The following NFIB variants were observed in gnomAD, a reference collection of about 807,000 sequenced individuals.
NFIB encodes nuclear factor I B, also known as nuclear factor 1 B-type.
Under a neutral mutation model 61.5 loss-of-function variants are expected in NFIB, and 11 were observed. That is an observed-to-expected ratio of 0.18 (90% CI 0.11 to 0.30). NFIB has a LOEUF of 0.30. NFIB is among the 10% of genes least tolerant of loss of function. The probability of loss-of-function intolerance (pLI) is 1.00; values close to 1 mark genes in which losing one functional copy is unlikely to be tolerated. For synonymous variants in NFIB, 260 were observed against 216.5 expected (o/e 1.20, Z -1.76); for missense variants, 471 against 608.9 (o/e 0.77, Z 2.38).
chr9:14,258,766 T>C (rs1043420799), intron 2 of NFIB, among the ~76,000 whole-genome samples: 4 of 152,222 alleles, frequency 2.6e-5, no homozygotes, highest in Non-Finnish European at 5.9e-5. Flanking sequence ...AGTAAGGATG[T>C]CATTCCTTTT....
chr9:14,229,458 T>C (rs2052848511), intron 2 of NFIB, among the ~76,000 whole-genome samples: 2 of 152,200 alleles, frequency 1.3e-5, no homozygotes, highest in African/African-American at 4.8e-5. Flanking sequence ...GAGTGTCAGC[T>C]TTACATGTAC....
At chr9:14,179,803 G>A in intron 2 of NFIB, 23 bp from the exon 3 acceptor site, 2 of 1,610,120 alleles carry the variant, frequency 1.2e-6, no homozygotes, top group Non-Finnish European at 1.7e-6. Flanking sequence ...CACAGAAAAT[G>A]TTTTCTTTTT....
chr9:14,248,526 C>T (rs1355595992), intron 2 of NFIB, among the ~76,000 whole-genome samples: 1 of 152,166 alleles, frequency 6.6e-6, no homozygotes, highest in African/African-American at 2.4e-5. Context: ...CTGCCTTAGC[C>T]TCCCCAAATC....
At chr9:14,277,710 CA>C (rs2058095093) in intron 2 of NFIB, among the ~76,000 whole-genome samples, 1 of 152,176 alleles carries the variant, frequency 6.6e-6, no homozygotes, top group African/African-American at 2.4e-5. Context: ...GGGCTTCAAA[CA>C]GGGGGTTCAA....
chr9:14,332,710 G>A (rs976463334), intron 1 of NFIB, among the ~76,000 whole-genome samples: 4 of 152,120 alleles, frequency 2.6e-5, no homozygotes, highest in African/African-American at 2.4e-5. Context: ...AGAAGACGTC[G>A]TCACTTATCA....
At chr9:14,513,796 A>C in the NFIB span, among the ~76,000 whole-genome samples, 1 of 152,154 alleles carries the variant, frequency 6.6e-6, no homozygotes, top group Non-Finnish European at 1.5e-5. Context: ...TTGTGACCTT[A>C]AGCAAGTTAC....
chr9:14,277,513 G>C (rs113775263), intron 2 of NFIB, among the ~76,000 whole-genome samples: 5 of 152,346 alleles, frequency 3.3e-5, no homozygotes, highest in African/African-American at 9.6e-5. Flanking sequence ...TTGGCAAGTA[G>C]CGACAATGGT....
chr9:14,335,484 T>A (rs746362727), intron 1 of NFIB, among the ~76,000 whole-genome samples: 63 of 152,260 alleles, frequency 4.1e-4, no homozygotes, highest in Non-Finnish European at 7.2e-4. Flanking sequence ...CATTTCTATA[T>A]CTTCTCTGGT....
At chr9:14,487,267 C>T in the NFIB span, among the ~76,000 whole-genome samples, 128 of 152,318 alleles carry the variant, frequency 8.4e-4, 1 homozygote, top group Middle Eastern at 6.8e-3. Flanking sequence ...GTTACGGTAA[C>T]ATTTATATTG....
At chr9:14,461,046 G>C in the NFIB span, among the ~76,000 whole-genome samples, 1 of 152,106 alleles carries the variant, frequency 6.6e-6, no homozygotes, top group East Asian at 1.9e-4. Flanking sequence ...TTGTTCCTCA[G>C]TAATTAGATA....
the NFIB span, among the ~76,000 whole-genome samples, chr9:14,500,474 T>G: frequency 6.6e-6 from 1 of 152,066 alleles, no homozygotes; most frequent in Middle Eastern, 3.4e-3. Context: ...CTAGTGAGAG[T>G]TGCTCAGGGA....
At chr9:14,515,249 T>A in the NFIB span, among the ~76,000 whole-genome samples, 1 of 151,968 alleles carries the variant, frequency 6.6e-6, no homozygotes, top group South Asian at 2.1e-4. Context: ...GGGCAGGGAA[T>A]CAGATGGAGG....
At chr9:14,452,372 G>C in the NFIB span, among the ~76,000 whole-genome samples, 1 of 135,666 alleles carries the variant, frequency 7.4e-6, no homozygotes, top group Non-Finnish European at 1.5e-5. Flanking sequence ...GAGGGTTGGA[G>C]ATAAAGAAGG....
intron 2 of NFIB, among the ~76,000 whole-genome samples, chr9:14,227,001 C>T (rs911018197): frequency 1.3e-5 from 2 of 151,558 alleles, no homozygotes; most frequent in Admixed American, 6.6e-5. Context: ...ATTAGCCGGC[C>T]GTGGTGGTGC....
intron 1 of NFIB, among the ~76,000 whole-genome samples, chr9:14,320,468 G>C (rs1015734980): frequency 2.2e-4 from 34 of 152,296 alleles, no homozygotes; most frequent in African/African-American, 7.5e-4. Flanking sequence ...TTCAGCGCTA[G>C]AGCTTTCTCC....
At chr9:14,488,366 A>G in the NFIB span, among the ~76,000 whole-genome samples, 1 of 151,858 alleles carries the variant, frequency 6.6e-6, no homozygotes, top group African/African-American at 2.4e-5. Flanking sequence ...TTGTCTCAAA[A>G]AAAAAAAAAA....
chr9:14,155,892 AC>A lies in NFIB; in HGVS notation c.617del (p.Gly206ValfsTer8). The A allele has an allele frequency of 6.5e-7, 1 of 1,545,752 alleles. No individual in the cohort carries two copies. The part of the protein sequence containing the change: ...SHNDPAKNPP[G>X]YLEDSFVKSG... The stretch of plus-strand genomic sequence containing the variant: ...ATTTTACAAAACTATCCTCAAGGTA[AC>A]CTGAAAATAAATATTAAAGGAAAAA... On this transcript the variant is annotated frameshift_variant and splice_region_variant, in exon 4 of 11. Coordinates refer to ENST00000380953, the MANE Select transcript of NFIB (RefSeq NM_001190737.2). LOFTEE classifies it high-confidence loss of function.
intron 10 of NFIB, among the ~76,000 whole-genome samples, chr9:14,094,872 A>G (rs1171790639): frequency 6.6e-6 from 1 of 152,150 alleles, no homozygotes; most frequent in Non-Finnish European, 1.5e-5. Flanking sequence ...TCATTAATTT[A>G]TATTCAATTG....
At chr9:14,314,721 CCTT>C (rs1439888510), upstream of NFIB, 15 of 136,574 alleles carry the variant, frequency 1.1e-4, no homozygotes, top group South Asian at 8.5e-4. Context: ...TCCTCCTCCT[CCTT>C]CTCCTTCTCT....
Sources: allele counts gnomAD v4.1 joint callset (sites outside exome capture counted in the v4.1 genomes callset), GRCh38; gene constraint gnomAD v4.1.1; transcripts MANE v1.5; gene names NCBI Gene and HGNC (gene_info 2026-07-23, HGNC 2026-07-21).